Variants in CSTF3 observed in about 807,000 individuals in gnomAD.
CSTF3 encodes the protein CF-1 77 kDa subunit.
In CSTF3, 29 loss-of-function variants were observed where a neutral mutation model predicts 105.8. The observed-to-expected ratio is 0.27, with a 90% CI of 0.20 to 0.37. The LOEUF is 0.37. CSTF3 is among the 10% of genes least tolerant of loss of function. The probability of loss-of-function intolerance (pLI) is 1.00; values close to 1 mark genes in which losing one functional copy is unlikely to be tolerated. For synonymous variants in CSTF3, 252 were observed against 281.9 expected (o/e 0.89, Z 1.06); for missense variants, 357 against 879.3 (o/e 0.41, Z 7.51).
chr11:33,114,084 T>C (rs1216940167), intron 3 of CSTF3, among the ~76,000 whole-genome samples: 1 of 152,346 alleles, frequency 6.6e-6, no homozygotes, highest in East Asian at 1.9e-4. Flanking sequence ...AGATAAATTA[T>C]TGGAACTAAT....
chr11:33,161,272 C>T, intron 1 of CSTF3, 27 bp downstream of exon 1: 1 of 1,612,642 alleles, frequency 6.2e-7, no homozygotes, highest in Non-Finnish European at 8.5e-7. Flanking sequence ...GAGGTCGCCA[C>T]GAGGCCCCAC....
At chr11:33,138,223 T>C (rs888308653) in intron 3 of CSTF3, among the ~76,000 whole-genome samples, 4 of 151,706 alleles carry the variant, frequency 2.6e-5, no homozygotes, top group Non-Finnish European at 5.9e-5. Context: ...CAGCCACCAA[T>C]AAAAAACATG....
chr11:33,084,774 C>CTGTT lies in CSTF3; in HGVS notation c.*309_*312dup, dbSNP rs1855084879. The CTGTT allele has an allele frequency of 6.2e-6, 2 of 323,532 alleles. No homozygotes were observed. Among genetic ancestry groups the CTGTT allele is most frequent in the Non-Finnish European group, 1.2e-5 (2 of 172,974 alleles). The allele number at this position is 323,532 out of a possible 1,614,324, so 20.0% of individuals were successfully genotyped here. A position where few individuals can be genotyped will look rare whatever the true frequency, so the allele number is the denominator to read the frequency against. ...AAGCCATCCAGTTTTTAAAATAAAA[C>CTGTT]TGTTGAAAAACTCACAAATCTTCAA... On this transcript the variant is annotated 3_prime_UTR_variant, in exon 21 of 21. Transcript: ENST00000323959.
chr11:33,133,935 T>A (rs1463521526), intron 3 of CSTF3, among the ~76,000 whole-genome samples: 2 of 152,224 alleles, frequency 1.3e-5, no homozygotes. Context: ...GACAAAAGTA[T>A]AACATAGACT....
At chr11:33,105,423 C>A in intron 8 of CSTF3, 144 bp downstream of exon 8, 2 of 738,792 alleles carry the variant, frequency 2.7e-6, no homozygotes, top group Non-Finnish European at 4.2e-6. Context: ...ACTCTCAAAC[C>A]TTGCAAAAAC....
intron 3 of CSTF3, among the ~76,000 whole-genome samples, chr11:33,120,614 T>G (rs907523722): frequency 6.6e-6 from 1 of 151,916 alleles, no homozygotes; most frequent in Non-Finnish European, 1.5e-5. Flanking sequence ...GGTATTATTC[T>G]GCTTACTCAG....
At chr11:33,085,457 T>C (rs1226629021) in intron 20 of CSTF3, among the ~76,000 whole-genome samples, 168 bp from the exon 21 acceptor site, 1 of 152,232 alleles carries the variant, frequency 6.6e-6, no homozygotes, top group African/African-American at 2.4e-5. Flanking sequence ...TTAAAACTAA[T>C]AATTTTCATA....
chr11:33,151,333 A>T (rs1328989092), intron 1 of CSTF3, among the ~76,000 whole-genome samples: 1 of 151,860 alleles, frequency 6.6e-6, no homozygotes, highest in African/African-American at 2.4e-5. Flanking sequence ...GACTACAGGC[A>T]TGTGCCACCA....
rs924604392 is a variant in CSTF3 at position 33,161,460 on chromosome 11, C to T, written c.-135G>A. 5 of 843,528 alleles carry T rather than the reference C, an allele frequency of 5.9e-6. No individual in the cohort carries two copies. The highest frequency in any genetic ancestry group is 9.5e-6 in the Non-Finnish European group (5 of 523,816). The allele number at this position is 843,528 out of a possible 1,614,324, so 52.3% of individuals were successfully genotyped here. A position where few individuals can be genotyped will look rare whatever the true frequency, so the allele number is the denominator to read the frequency against. On this transcript the variant is annotated 5_prime_UTR_variant, in exon 1 of 21. The change creates a new upstream start codon in the 5' untranslated region. Transcript: ENST00000323959. ...GCCAGACCGCCAACACCAATCGCCACCGCCCACTCAAATATGAATTAAAAT... is the reference window on the plus strand; with the variant it reads ...GCCAGACCGCCAACACCAATCGCCATCGCCCACTCAAATATGAATTAAAAT...
Position 33,099,040 on chromosome 11 carries a change from A to G in CSTF3, c.1047T>C (p.Tyr349=), listed in dbSNP as rs745741882. 1.9e-6 allele frequency: 3 copies of G among 1,567,818 alleles called. No individual in the cohort carries two copies. The highest frequency in any genetic ancestry group is 2.6e-6 in the Non-Finnish European group (3 of 1,169,316). ...NMLLYFAYAD[Y]EESRMKYEKV... ...TCTAAACATTTTTACTTACCTCTTC[A>G]TAATCTGCATATGCAAAATAAAGAA... The change falls in exon 12 of 21, where the codon TAT becomes TAC. Residue 349 remains tyrosine (Y), a synonymous_variant. Coordinates refer to ENST00000323959, the MANE Select transcript of CSTF3 (RefSeq NM_001326.3). The surrounding 1 kb of genome is among the most constrained non-coding windows in gnomAD (Gnocchi z 4.1).
chr11:33,126,495 T>A (rs567977616), intron 3 of CSTF3, among the ~76,000 whole-genome samples: 20 of 152,240 alleles, frequency 1.3e-4, no homozygotes, highest in Middle Eastern at 3.4e-3. Context: ...TACATCAACA[T>A]AATTCTAAAT....
intron 1 of CSTF3, among the ~76,000 whole-genome samples, chr11:33,151,175 G>A (rs963175393): frequency 2.0e-5 from 3 of 151,984 alleles, no homozygotes; most frequent in African/African-American, 7.2e-5. Flanking sequence ...CATACAATAT[G>A]TGTTCTTTTT....
chr11:33,146,273 G>A (rs1220425571), intron 1 of CSTF3, among the ~76,000 whole-genome samples: 1 of 151,898 alleles, frequency 6.6e-6, no homozygotes, highest in Non-Finnish European at 1.5e-5. Context: ...ACTGATCAAC[G>A]TTTAATATAA....
At position 33,124,949 on chromosome 11, in the gene CSTF3, A is replaced by C. The variant is rs528220306; in HGVS notation, c.226-16531T>G. ...TTTCCAACCATTTATGTGATTTAAG[A>C]AAAAAAACTTTAGTTTTCTATAGTT... On this transcript the variant is annotated intron_variant, in intron 3 of 20. Coordinates refer to ENST00000323959, the MANE Select transcript of CSTF3 (RefSeq NM_001326.3). 1.7e-3 allele frequency among the ~76,000 whole-genome samples: 256 copies of C among 152,198 alleles called. 2 individuals carry two copies. Among genetic ancestry groups the C allele is most frequent in the African/African-American group, 5.8e-3 (243 of 41,540 alleles).
Position 33,092,347 on chromosome 11 carries a change from T to A in CSTF3, c.1376-7A>T. 6.5e-7 allele frequency: 1 copy of A among 1,539,090 alleles called. No homozygotes were observed. The highest frequency in any genetic ancestry group is 8.7e-7 in the Non-Finnish European group (1 of 1,146,136). On this transcript the variant is annotated splice_polypyrimidine_tract_variant and splice_region_variant and intron_variant, in intron 15 of 20. Transcript: ENST00000323959. ...ACTCGGGTATTATTGTCCTCTAGGATATTGAAAAAGATTTTAATTTTTTTA... is the reference window on the plus strand; with the variant it reads ...ACTCGGGTATTATTGTCCTCTAGGAAATTGAAAAAGATTTTAATTTTTTTA...
intron 18 of CSTF3, among the ~76,000 whole-genome samples, chr11:33,086,668 C>A (rs1436191440): frequency 1.3e-5 from 2 of 152,172 alleles, no homozygotes; most frequent in African/African-American, 4.8e-5. Context: ...AAACTCCTGA[C>A]CTCAGGTGAT....
At chr11:33,091,284 C>T (rs1590261763) in intron 16 of CSTF3, among the ~76,000 whole-genome samples, 3 of 152,316 alleles carry the variant, frequency 2.0e-5, no homozygotes, top group East Asian at 3.9e-4. Flanking sequence ...GGTGCCTCAT[C>T]GTTGTTCTAA....
chr11:33,125,445 A>G (rs1855532932), intron 3 of CSTF3, among the ~76,000 whole-genome samples: 1 of 152,214 alleles, frequency 6.6e-6, no homozygotes, highest in Non-Finnish European at 1.5e-5. Flanking sequence ...ATAAGCTATT[A>G]CCACCTATTA....
intron 1 of CSTF3, among the ~76,000 whole-genome samples, chr11:33,147,483 T>C (rs769222757): frequency 1.3e-4 from 19 of 151,294 alleles, no homozygotes; most frequent in African/African-American, 2.2e-4. Context: ...TAGTCACAGA[T>C]ACTTGGGAGG....
Sources: allele counts gnomAD v4.1 joint callset (sites outside exome capture counted in the v4.1 genomes callset), GRCh38; gene constraint gnomAD v4.1.1; non-coding constraint Gnocchi (gnomAD v3.1); transcripts MANE v1.5; gene names NCBI Gene and HGNC (gene_info 2026-07-23, HGNC 2026-07-21).